Variants in ANO3 observed in about 807,000 individuals in gnomAD.
ANO3 encodes the protein anoctamin 3.
Under a neutral mutation model 144.8 loss-of-function variants are expected in ANO3, and 99 were observed. That is an observed-to-expected ratio of 0.68 (90% CI 0.58 to 0.81). The LOEUF (loss-of-function observed/expected upper bound fraction) is 0.81, where lower values mean the gene tolerates loss of function less well. ANO3 is among the 30% of genes least tolerant of loss of function. The probability of loss-of-function intolerance (pLI) is 0.00; values close to 1 mark genes in which losing one functional copy is unlikely to be tolerated. For synonymous variants in ANO3, 414 were observed against 392.6 expected, an observed-to-expected ratio of 1.05 and a Z score of -0.64; for missense variants, 905 against 1,202.2, an observed-to-expected ratio of 0.75 and a Z score of 3.66.
At chr11:26,260,209 A>T (rs1208708054) in intron 1 of ANO3, among the ~76,000 whole-genome samples, 1 of 152,064 alleles carries the variant, frequency 6.6e-6, no homozygotes, top group East Asian at 1.9e-4. Context: ...AAGACCCACT[A>T]TTCTGTGGCT....
chr11:26,193,460 T>C (rs1264941962), intron 1 of ANO3, among the ~76,000 whole-genome samples: 1 of 152,152 alleles, frequency 6.6e-6, no homozygotes, highest in Admixed American at 6.5e-5. Flanking sequence ...TATCTTTAGA[T>C]GACCAATAAA....
intron 14 of ANO3, chr11:26,560,609 C>G (rs1455047211): frequency 3.9e-5 from 6 of 153,436 alleles, no homozygotes; most frequent in African/African-American, 1.4e-4. Flanking sequence ...AGCTTTAAGT[C>G]AAATTTTCTT....
chr11:26,192,148 A>G (rs1167969680), intron 1 of ANO3, among the ~76,000 whole-genome samples: 1 of 152,208 alleles, frequency 6.6e-6, no homozygotes, highest in Non-Finnish European at 1.5e-5. Flanking sequence ...GCCGCCTGAT[A>G]TCATCATTCA....
At chr11:26,194,005 T>G (rs532833914) in intron 1 of ANO3, among the ~76,000 whole-genome samples, 13 of 152,298 alleles carry the variant, frequency 8.5e-5, no homozygotes, top group African/African-American at 3.1e-4. Context: ...ATATTAAGGG[T>G]GTAAAAAATC....
chr11:26,656,065 A>G, intron 24 of ANO3, 60 bp from the exon 25 acceptor site: 1 of 1,327,790 alleles, frequency 7.5e-7, no homozygotes, highest in South Asian at 1.3e-5. Context: ...TTTGTAATAA[A>G]ATAATTAGGC....
At chr11:26,602,326 T>G (rs972257885) in intron 17 of ANO3, among the ~76,000 whole-genome samples, 1 of 152,148 alleles carries the variant, frequency 6.6e-6, no homozygotes, top group African/African-American at 2.4e-5. Flanking sequence ...ATGATGTTGT[T>G]TTTTGCCCAC....
chr11:26,401,326 C>T (rs1053258459), intron 1 of ANO3, among the ~76,000 whole-genome samples: 2 of 151,956 alleles, frequency 1.3e-5, no homozygotes. Flanking sequence ...GAGAATCTCC[C>T]TTGTCATTCT....
chr11:26,196,943 CCT>C (rs1303658031), intron 1 of ANO3, among the ~76,000 whole-genome samples: 7 of 152,134 alleles, frequency 4.6e-5, no homozygotes, highest in Non-Finnish European at 2.9e-5. Context: ...AAACATAGCC[CCT>C]GATTTTAGTT....
At chr11:26,198,183 G>A (rs1384537361) in intron 1 of ANO3, among the ~76,000 whole-genome samples, 1 of 152,112 alleles carries the variant, frequency 6.6e-6, no homozygotes, top group Non-Finnish European at 1.5e-5. Flanking sequence ...TGTTAATGTT[G>A]TACCTGAGTC....
chr11:26,293,501 A>G (rs1280421140), intron 1 of ANO3, among the ~76,000 whole-genome samples: 2 of 140,560 alleles, frequency 1.4e-5, no homozygotes, highest in East Asian at 4.2e-4. Flanking sequence ...AAAAGAATCA[A>G]TTTCAGTCTA....
chr11:26,472,337 AG>A (rs1859812768), intron 4 of ANO3, among the ~76,000 whole-genome samples: 1 of 152,026 alleles, frequency 6.6e-6, no homozygotes, highest in Non-Finnish European at 1.5e-5. Flanking sequence ...AACATTTACC[AG>A]GGATCTTAAC....
At chr11:26,209,839 TG>T (rs199502029) in intron 1 of ANO3, among the ~76,000 whole-genome samples, 45,649 of 151,692 alleles carry the variant, frequency 0.3, 7,543 homozygotes, top group Non-Finnish European at 0.37. Flanking sequence ...TGGGGCTGTT[TG>T]CTTTTTCTTG....
At chr11:26,602,611 G>A (rs1455470560) in intron 17 of ANO3, among the ~76,000 whole-genome samples, 5 of 134,992 alleles carry the variant, frequency 3.7e-5, no homozygotes, top group Non-Finnish European at 6.2e-5. Flanking sequence ...TTAAAGCCAA[G>A]TGTGGTGGTG....
intron 4 of ANO3, among the ~76,000 whole-genome samples, chr11:26,505,699 G>T (rs943083727): frequency 6.6e-6 from 1 of 152,110 alleles, no homozygotes; most frequent in Non-Finnish European, 1.5e-5. Context: ...TTGGCCGGGC[G>T]CAGTGGCTCA....
At chr11:26,216,321 T>C (rs10767516) in intron 1 of ANO3, among the ~76,000 whole-genome samples, 51,688 of 151,744 alleles carry the variant, frequency 0.34, 9,213 homozygotes, top group Non-Finnish European at 0.38. Context: ...TTAACCTCCC[T>C]CCTCCTGAAA....
intron 1 of ANO3, among the ~76,000 whole-genome samples, chr11:26,386,602 G>A (rs182758862): frequency 9.2e-5 from 14 of 152,254 alleles, no homozygotes; most frequent in Non-Finnish European, 1.5e-5. Context: ...CTGATCCAAC[G>A]TACTGAGAAG....
intron 4 of ANO3, among the ~76,000 whole-genome samples, chr11:26,504,481 T>C (rs1278256211): frequency 2.0e-5 from 3 of 152,150 alleles, no homozygotes; most frequent in Non-Finnish European, 4.4e-5. Context: ...AAACTTTATA[T>C]CCTTGTAGAA....
chr11:26,517,827 A>G (rs1230784378), intron 6 of ANO3, among the ~76,000 whole-genome samples: 1 of 152,076 alleles, frequency 6.6e-6, no homozygotes, highest in Admixed American at 6.6e-5. Flanking sequence ...TCAACGTAAA[A>G]TGTGAGGTAT....
At chr11:26,278,916 A>G (rs1853617578) in intron 1 of ANO3, among the ~76,000 whole-genome samples, 1 of 152,062 alleles carries the variant, frequency 6.6e-6, no homozygotes, top group Non-Finnish European at 1.5e-5. Context: ...GTATACTACG[A>G]TTCTTTTATA....
Sources: allele counts gnomAD v4.1 joint callset (sites outside exome capture counted in the v4.1 genomes callset), GRCh38; gene constraint gnomAD v4.1.1; transcripts MANE v1.5; gene names NCBI Gene and HGNC (gene_info 2026-07-23, HGNC 2026-07-21).